KLHL24: variants seen among roughly 807,000 people sequenced by gnomAD.
The protein encoded by KLHL24 is kelch like family member 24.
KLHL24 carries 29 observed loss-of-function variants against 53.4 expected under a neutral mutation model. The observed-to-expected ratio is 0.54, with a 90% CI of 0.40 to 0.74. The LOEUF is 0.74. KLHL24 is among the 30% of genes least tolerant of loss of function. The pLI is 0.00. For missense variants in KLHL24, 504 were observed against 744.0 expected (o/e 0.68, Z 3.75); for synonymous variants, 222 against 253.7 (o/e 0.88, Z 1.19).
In KLHL24 at chr3:183,668,276, A is replaced by C. The variant is rs1720858330; in HGVS notation, c.1225-2758A>C. 2.0e-5 allele frequency among the ~76,000 whole-genome samples: 3 copies of C among 152,220 alleles called. No homozygotes were observed. The South Asian group carries it at 6.2e-4, about 32-fold the overall frequency. Reference sequence around the variant, plus strand: ...GGGTTGGAAGGAGATGCTGATACAAAGGCAAATGAAAAGTACTGATGTCTC... The same window carrying C: ...GGGTTGGAAGGAGATGCTGATACAACGGCAAATGAAAAGTACTGATGTCTC... On this transcript the variant is annotated intron_variant, in intron 5 of 7. Transcript: ENST00000242810.
In KLHL24 at chr3:183,663,680, G is replaced by A; in HGVS notation, c.1105+38G>A. 8.5e-7 allele frequency: 1 copy of A among 1,180,594 alleles called. No individual in the cohort carries two copies. The highest frequency in any genetic ancestry group is 1.2e-6 in the Non-Finnish European group (1 of 859,490). 73.1% of individuals were successfully genotyped at this position (1,180,594 alleles called of 1,614,324 possible). On this transcript the variant is annotated intron_variant, in intron 4 of 7. Coordinates refer to ENST00000242810, the MANE Select transcript of KLHL24 (RefSeq NM_017644.3). The surrounding 1 kb of genome is among the most constrained non-coding windows in gnomAD (Gnocchi z 4.9). ...TTATTACAGTAGCTACTTTTAATTTGGACACAGCTTCATTATTTTAAACAT... is the reference window on the plus strand; with the variant it reads ...TTATTACAGTAGCTACTTTTAATTTAGACACAGCTTCATTATTTTAAACAT...
Position 183,677,733 on chromosome 3 carries a change from G to C in KLHL24, c.1603-1353G>C, listed in dbSNP as rs77847312. 7.9e-3 allele frequency among the ~76,000 whole-genome samples: 1,206 copies of C among 152,288 alleles called. 17 individuals carry two copies. The highest frequency in any genetic ancestry group is 0.028 in the African/African-American group (1,154 of 41,564). ...GAAATGGAAGAATATCTGGCCTGCA[G>C]TATAACCAGATGCATGTAATAGTGA... On this transcript the variant is annotated intron_variant, in intron 7 of 7. Coordinates refer to ENST00000242810, the MANE Select transcript of KLHL24 (RefSeq NM_017644.3).
Position 183,650,154 on chromosome 3 carries a change from TTTA to T in KLHL24, c.-61-138_-61-136del. 1 of 492,568 alleles carries T rather than the reference TTTA, an allele frequency of 2.0e-6. No homozygotes were observed. The highest frequency in any genetic ancestry group is 3.5e-6 in the Non-Finnish European group (1 of 283,948). The allele number at this position is 492,568 out of a possible 1,614,324, so 30.5% of individuals were successfully genotyped here. On this transcript the variant is annotated intron_variant, in intron 2 of 7. Coordinates refer to ENST00000242810, the MANE Select transcript of KLHL24 (RefSeq NM_017644.3). The surrounding 1 kb of genome is among the most constrained non-coding windows in gnomAD (Gnocchi z 4.5). ...AAATGCAAATTTTTGTTGATTAGTT[TTTA>T]TTAACATGAGATAGTGCTGTGTACC...
chr3:183,654,860 A>G (rs1387652250), intron 3 of KLHL24, among the ~76,000 whole-genome samples: 8 of 152,254 alleles, frequency 5.3e-5, no homozygotes, highest in Non-Finnish European at 2.9e-5. Flanking sequence ...AGTTGGTTCT[A>G]TGAGCTTCAG....
At chr3:183,639,423 G>A (rs1715942084) in intron 1 of KLHL24, among the ~76,000 whole-genome samples, 1 of 151,842 alleles carries the variant, frequency 6.6e-6, no homozygotes, top group Non-Finnish European at 1.5e-5. Context: ...AAGGTCAGGA[G>A]ATCAAGACCA....
Position 183,650,666 on chromosome 3 carries a change from G to A in KLHL24, c.310G>A (p.Glu104Lys). The A allele has an allele frequency of 6.2e-7, 1 of 1,614,112 alleles. No homozygotes were observed. The highest frequency in any genetic ancestry group is 1.1e-5 in the South Asian group (1 of 91,080). ...TTGTAATGACCACAGGGAAAGCCGA[G>A]AAATGTTGGTTGAGATCAATGGTAT... ...MFCNDHRESR[E>K]MLVEINGILA... The change falls in exon 3 of 8, where the codon GAA becomes AAA. Residue 104 changes from glutamate (E) to lysine (K), a missense_variant. Coordinates refer to ENST00000242810, the MANE Select transcript of KLHL24 (RefSeq NM_017644.3). The surrounding 1 kb of genome is among the most constrained non-coding windows in gnomAD (Gnocchi z 4.5).
chr3:183,642,066 G>T (rs1276708912), intron 1 of KLHL24, among the ~76,000 whole-genome samples: 2 of 152,140 alleles, frequency 1.3e-5, no homozygotes, highest in African/African-American at 4.8e-5. Context: ...TACCAATCTT[G>T]GAGTTCTTGT....
In KLHL24 at chr3:183,651,024, T is replaced by C. The variant is rs766128997; in HGVS notation, c.668T>C (p.Ile223Thr). Residue 223 changes from isoleucine (I) to threonine (T), a missense_variant, in exon 3 of 8, where the codon ATT becomes ACT. Coordinates refer to ENST00000242810, the MANE Select transcript of KLHL24 (RefSeq NM_017644.3). Reference sequence around the variant, plus strand: ...TATATTTGTAGTGATGAACTTGTTATTGGTAAAGAGGAGATGGTTTTTGAA... The same window carrying C: ...TATATTTGTAGTGATGAACTTGTTACTGGTAAAGAGGAGATGGTTTTTGAA... ...IDYICSDELV[I>T]GKEEMVFEAV... The C allele has an allele frequency of 5.0e-6, 8 of 1,614,086 alleles. No homozygotes were observed. Among genetic ancestry groups the C allele is most frequent in the South Asian group, 4.4e-5 (4 of 91,080 alleles).
At chr3:183,662,408 A>ATATT (rs146826250) in intron 3 of KLHL24, among the ~76,000 whole-genome samples, 50,655 of 151,746 alleles carry the variant, frequency 0.33, 9,250 homozygotes, top group African/African-American at 0.49. Flanking sequence ...TTTCCCCTCT[A>ATATT]TAAGTAAGAG....
At chr3:183,646,647 C>T (rs1717289949) in intron 2 of KLHL24, among the ~76,000 whole-genome samples, 2 of 152,180 alleles carry the variant, frequency 1.3e-5, no homozygotes, top group South Asian at 4.2e-4. Context: ...AGAGAAAATC[C>T]TATCACCTAG....
intron 2 of KLHL24, among the ~76,000 whole-genome samples, chr3:183,649,649 C>T (rs370537959): frequency 6.6e-6 from 1 of 151,814 alleles, no homozygotes; most frequent in Non-Finnish European, 1.5e-5. Context: ...GGCATGGTGG[C>T]TCATGCCTGT....
At position 183,680,225 on chromosome 3, in the gene KLHL24, T is replaced by G. The variant is rs1026431715; in HGVS notation, c.*939T>G. 4 of 152,266 alleles carry G rather than the reference T, an allele frequency of 2.6e-5. No individual in the cohort carries two copies. The highest frequency in any genetic ancestry group is 9.7e-5 in the African/African-American group (4 of 41,442). 9.4% of individuals were successfully genotyped at this position (152,266 alleles called of 1,614,324 possible). A position where few individuals can be genotyped will look rare whatever the true frequency, so the allele number is the denominator to read the frequency against. The stretch of plus-strand genomic sequence containing the variant: ...GGAGGATTGCTTGAGCCCAGGAGTC[T>G]GAGGCTACAGTGAGCTATGAACGCA... On this transcript the variant is annotated 3_prime_UTR_variant, in exon 8 of 8. Coordinates refer to ENST00000242810, the MANE Select transcript of KLHL24 (RefSeq NM_017644.3).
chr3:183,675,696 G>A (rs1370021833), intron 7 of KLHL24, among the ~76,000 whole-genome samples: 2 of 152,064 alleles, frequency 1.3e-5, no homozygotes, highest in African/African-American at 4.8e-5. Flanking sequence ...ACCTTGGGAA[G>A]CTGAGGCAGG....
At chr3:183,657,882 T>C (rs537150707) in intron 3 of KLHL24, among the ~76,000 whole-genome samples, 2 of 152,352 alleles carry the variant, frequency 1.3e-5, no homozygotes, top group South Asian at 4.1e-4. Flanking sequence ...TTTCAAAGGA[T>C]ACCTTTATTA....
At chr3:183,660,094 G>A (rs533453329) in intron 3 of KLHL24, among the ~76,000 whole-genome samples, 12 of 151,086 alleles carry the variant, frequency 7.9e-5, no homozygotes, top group South Asian at 2.1e-4. Flanking sequence ...TTTTCAGCTC[G>A]AAGAGGTAAC....
intron 1 of KLHL24, among the ~76,000 whole-genome samples, chr3:183,642,602 C>CA (rs377410456): frequency 0.02 from 1,856 of 92,664 alleles, 106 homozygotes; most frequent in African/African-American, 0.045. Context: ...CCCCTTCCAC[C>CA]AAAAAAAAAA....
intron 3 of KLHL24, among the ~76,000 whole-genome samples, chr3:183,657,106 T>TGCACAA (rs147996720): frequency 1.3e-5 from 2 of 151,502 alleles, no homozygotes; most frequent in African/African-American, 4.9e-5. Context: ...CCTGTCCTGA[T>TGCACAA]CCACATCCTT....
rs1712907467 is a variant in KLHL24 at position 183,683,567 on chromosome 3, G to A, written c.*4281G>A. 1 of 152,610 alleles carries A rather than the reference G, an allele frequency of 6.6e-6. No individual in the cohort carries two copies. The highest frequency in any genetic ancestry group is 2.4e-5 in the African/African-American group (1 of 41,430). The allele number at this position is 152,610 out of a possible 1,614,324, so 9.5% of individuals were successfully genotyped here. ...ACCAGAAACCATTTGAGCCAGGAGTGTGAATGAATAATTCCAGAGACACTT... is the reference window on the plus strand; with the variant it reads ...ACCAGAAACCATTTGAGCCAGGAGTATGAATGAATAATTCCAGAGACACTT... On this transcript the variant is annotated 3_prime_UTR_variant, in exon 8 of 8. Coordinates refer to ENST00000242810, the MANE Select transcript of KLHL24 (RefSeq NM_017644.3).
chr3:183,678,950 T>C (rs1712375014), intron 7 of KLHL24, 136 bp from the exon 8 acceptor site: 4 of 665,174 alleles, frequency 6.0e-6, no homozygotes, highest in South Asian at 1.9e-5. Context: ...GAGAGCAGAG[T>C]TGGGCCAAAG....
Sources: gnomAD v4.1 joint callset for allele counts (sites outside exome capture counted in the v4.1 genomes callset) on GRCh38, gnomAD v4.1.1 for gene constraint, Gnocchi (gnomAD v3.1) non-coding constraint, MANE v1.5 for transcripts, NCBI Gene and HGNC (gene_info 2026-07-23, HGNC 2026-07-21) for gene names.